WDR33: variants seen among roughly 807,000 people sequenced by gnomAD.
WDR33 encodes pre-mRNA 3' end processing protein WDR33.
A neutral mutation model predicts 164.9 loss-of-function variants in WDR33; 47 were observed. The ratio of observed to expected loss-of-function variants is 0.29; its 90% confidence interval spans 0.23 to 0.36. The LOEUF is 0.36. WDR33 is among the 10% of genes least tolerant of loss of function. WDR33 has a pLI of 1.00. For missense variants in WDR33, 1,137 were observed against 1,754.1 expected (o/e 0.65, Z 6.28); for synonymous variants, 505 against 589.0 (o/e 0.86, Z 2.06).
Position 127,701,476 on chromosome 2 carries a change from G to T in WDR33, c.*4847C>A. ...CGCCCGAAGACCGAACCGCTTCAGC[G>T]GAGGGCCGGAAGTGAGCCGCAGCTT... On this transcript the variant is annotated 3_prime_UTR_variant, in exon 22 of 22. Transcript: ENST00000322313. 10 of 1,247,220 alleles carry T rather than the reference G, an allele frequency of 8.0e-6. No individual in the cohort carries two copies. The highest frequency in any genetic ancestry group is 8.1e-6 in the Non-Finnish European group (8 of 992,370). The allele number at this position is 1,247,220 out of a possible 1,614,324, so 77.3% of individuals were successfully genotyped here.
At chr2:127,808,394 T>G (rs1206741944) in intron 1 of WDR33, among the ~76,000 whole-genome samples, 1 of 152,186 alleles carries the variant, frequency 6.6e-6, no homozygotes, top group East Asian at 1.9e-4. Context: ...CAATACTACC[T>G]AGCTCTGGGA....
intron 7 of WDR33, among the ~76,000 whole-genome samples, chr2:127,743,568 A>C (rs1029574923): frequency 6.6e-6 from 1 of 151,394 alleles, no homozygotes; most frequent in Non-Finnish European, 1.5e-5. Flanking sequence ...AAGTAGCCAT[A>C]ATTCAAGAAC....
chr2:127,713,240 T>C lies in WDR33; in HGVS notation c.3308+343A>G, dbSNP rs1258547840. ...ACAACCCCTTTATTTCCAATCTAGG[T>C]AGCTGCCTCATATTTCCTTATTCTA... On this transcript the variant is annotated intron_variant, in intron 18 of 21. Transcript: ENST00000322313. This position sits in a 1 kb window ranked among gnomAD's most constrained non-coding sequence, Gnocchi z 6.2. Among the ~76,000 whole-genome samples the C allele has an allele frequency of 6.6e-6, 1 of 152,160 alleles. No individual in the cohort carries two copies. Among genetic ancestry groups the C allele is most frequent in the African/African-American group, 2.4e-5 (1 of 41,438 alleles).
chr2:127,749,813 CTT>C (rs974052653), intron 7 of WDR33, among the ~76,000 whole-genome samples: 2 of 151,646 alleles, frequency 1.3e-5, no homozygotes, highest in African/African-American at 4.8e-5. Flanking sequence ...CATACTGAGT[CTT>C]TCAAATACCT....
At chr2:127,765,622 G>A (rs562259195) in intron 4 of WDR33, among the ~76,000 whole-genome samples, 1 of 152,100 alleles carries the variant, frequency 6.6e-6, no homozygotes, top group South Asian at 2.1e-4. Flanking sequence ...TAAATAAGGT[G>A]ATCAGTCACC....
At position 127,776,454 on chromosome 2, in the gene WDR33, C is replaced by G. The variant is rs567928889; in HGVS notation, c.-23-5450G>C. On this transcript the variant is annotated intron_variant, in intron 1 of 21. Transcript: ENST00000322313. ...GAGGTTGACAGAAACATTGAGCAAT[C>G]ACAACTGTAATCCTAGCACTTTGGG... Among the ~76,000 whole-genome samples the G allele has an allele frequency of 1.8e-4, 27 of 152,294 alleles. No homozygotes were observed. The South Asian group carries it at 5.2e-3, about 29-fold the overall frequency.
At position 127,723,125 on chromosome 2, in the gene WDR33, T is replaced by C. The variant is rs1038770900; in HGVS notation, c.1292-81A>G. ...AAAATTAATGCTTTATAAAAATGAA[T>C]GTCACTGATGATTTATAAATAAATC... On this transcript the variant is annotated intron_variant, in intron 12 of 21. Transcript: ENST00000322313. The surrounding 1 kb of genome is among the most constrained non-coding windows in gnomAD (Gnocchi z 5.9). 2.1e-6 allele frequency: 3 copies of C among 1,431,670 alleles called. No individual in the cohort carries two copies. The African/African-American group carries it at 4.3e-5, about 21-fold the overall frequency. 88.7% of individuals were successfully genotyped at this position (1,431,670 alleles called of 1,614,324 possible).
At chr2:127,779,391 C>T (rs771555728) in intron 1 of WDR33, among the ~76,000 whole-genome samples, 12 of 151,898 alleles carry the variant, frequency 7.9e-5, no homozygotes, top group Non-Finnish European at 1.2e-4. Flanking sequence ...GCTTGAAACT[C>T]AGAGGCAGAG....
rs1305898153 is a variant in WDR33 at position 127,767,863 on chromosome 2, C to T, written c.378+326G>A. On this transcript the variant is annotated intron_variant, in intron 4 of 21. Coordinates refer to ENST00000322313, the MANE Select transcript of WDR33 (RefSeq NM_018383.5). Reference sequence around the variant, plus strand: ...TTAACTCCTAAGTATTTTTCATTTACCTTGGGATGCTGCTTTCTAAATAGT... The same window carrying T: ...TTAACTCCTAAGTATTTTTCATTTATCTTGGGATGCTGCTTTCTAAATAGT... Among the ~76,000 whole-genome samples, 13 of 152,152 alleles carry T rather than the reference C, an allele frequency of 8.5e-5. No individual in the cohort carries two copies. In the South Asian group the frequency reaches 2.5e-3, roughly 29 times the overall value.
intron 1 of WDR33, among the ~76,000 whole-genome samples, chr2:127,774,528 G>A (rs1309976721): frequency 2.0e-5 from 3 of 152,080 alleles, no homozygotes; most frequent in Admixed American, 1.3e-4. Context: ...AATACAACAT[G>A]AATATCAAAA....
At chr2:127,736,153 C>T in intron 7 of WDR33, 1 of 985,328 alleles carries the variant, frequency 1.0e-6, no homozygotes, top group Non-Finnish European at 1.2e-6. Flanking sequence ...AGAATTTGGT[C>T]ACGAGTCTTC....
chr2:127,707,606 G>A (rs1221944572), intron 21 of WDR33, among the ~76,000 whole-genome samples: 6 of 152,216 alleles, frequency 3.9e-5, no homozygotes, highest in African/African-American at 1.2e-4. Context: ...ACACTGGCTA[G>A]TAGTACAATG....
rs1686298906 is a variant in WDR33 at position 127,716,311 on chromosome 2, T to A, written c.2869+844A>T. ...AAAAATCTTAACATGCACCACACAG[T>A]GCTATGGGCTTAGCCAATTAAAACT... On this transcript the variant is annotated intron_variant, in intron 17 of 21. Transcript: ENST00000322313. The surrounding 1 kb of genome is among the most constrained non-coding windows in gnomAD (Gnocchi z 4.5). Among the ~76,000 whole-genome samples the A allele has an allele frequency of 6.6e-6, 1 of 152,244 alleles. No homozygotes were observed.
rs1056666620 is a variant in WDR33, at chr2:127,709,898, C to G, written c.3309-42G>C. The G allele has an allele frequency of 2.4e-5, 38 of 1,598,462 alleles. No homozygotes were observed. Among genetic ancestry groups the G allele is most frequent in the Non-Finnish European group, 3.2e-5 (37 of 1,172,592 alleles). ...GCAGAATGTCCATCTCAGAGAACAC[C>G]TTGCCACTCTAAGTTCATGTTTCAA... is the stretch of plus-strand genomic sequence containing the variant. On this transcript the variant is annotated intron_variant, in intron 18 of 21. Transcript: ENST00000322313. The surrounding 1 kb of genome is among the most constrained non-coding windows in gnomAD (Gnocchi z 5.0).
chr2:127,802,873 T>C (rs753389824), intron 1 of WDR33, among the ~76,000 whole-genome samples: 8 of 151,998 alleles, frequency 5.3e-5, no homozygotes, highest in East Asian at 1.9e-4. Flanking sequence ...TCCAGCTACT[T>C]GGGAGGCTGA....
intron 7 of WDR33, among the ~76,000 whole-genome samples, chr2:127,744,474 G>A (rs990305728): frequency 6.6e-6 from 1 of 152,050 alleles, no homozygotes; most frequent in Non-Finnish European, 1.5e-5. Flanking sequence ...AATAGCAAAA[G>A]AATATACGTA....
Position 127,770,935 on chromosome 2 carries a change from C to G in WDR33, c.47G>C (p.Arg16Thr). Residue 16 changes from arginine to threonine, a missense_variant, in exon 2 of 22, where the codon AGG becomes ACG. This residue lies in a region of WDR33 where 24 missense variants were observed against 46.7 expected (regional missense o/e 0.51). Coordinates refer to ENST00000322313, the MANE Select transcript of WDR33 (RefSeq NM_018383.5). This position sits in a 1 kb window ranked among gnomAD's most constrained non-coding sequence, Gnocchi z 4.9. ...GSPPRFFHMP[R>T]FQHQAPRQLF... ...CTGTCGAGGTGCCTGGTGCTGGAAC[C>G]TTGGCATATGGAAAAAACGAGGAGG... 1 of 1,614,110 alleles carries G rather than the reference C, an allele frequency of 6.2e-7. No homozygotes were observed. The highest frequency in any genetic ancestry group is 8.5e-7 in the Non-Finnish European group (1 of 1,180,016).
chr2:127,736,848 A>G, intron 7 of WDR33: 1 of 985,412 alleles, frequency 1.0e-6, no homozygotes, highest in Non-Finnish European at 1.2e-6. Flanking sequence ...TTTTACAATA[A>G]CGTGGGGAAG....
intron 7 of WDR33, among the ~76,000 whole-genome samples, chr2:127,730,532 C>T (rs908513936): frequency 2.6e-5 from 4 of 151,594 alleles, no homozygotes; most frequent in African/African-American, 4.8e-5. Context: ...AAAATGGAAA[C>T]AAATTTTAGA....
Sources: gnomAD v4.1 joint callset for allele counts (sites outside exome capture counted in the v4.1 genomes callset) on GRCh38, gnomAD v4.1.1 for gene constraint, gnomAD v4.1.1 regional missense constraint, Gnocchi (gnomAD v3.1) non-coding constraint, MANE v1.5 for transcripts, NCBI Gene and HGNC (gene_info 2026-07-23, HGNC 2026-07-21) for gene names.